Variants in SEMA6B observed in about 807,000 individuals in gnomAD.
The protein encoded by SEMA6B is semaphorin-6B.
Under a neutral mutation model 78.6 loss-of-function variants are expected in SEMA6B, and 47 were observed. The ratio of observed to expected loss-of-function variants is 0.60; its 90% confidence interval spans 0.47 to 0.76. SEMA6B has a LOEUF of 0.76. Ranked by LOEUF, SEMA6B falls within the 30% of genes least tolerant of loss-of-function variation. The pLI is 0.00. For missense variants in SEMA6B, 1,213 were observed against 1,269.9 expected, an observed-to-expected ratio of 0.96 and a Z score of 0.68; for synonymous variants, 632 against 592.2, an observed-to-expected ratio of 1.07 and a Z score of -0.98.
chr19:4,550,378 G>GTTTGT lies in SEMA6B; in HGVS notation c.1122-111_1122-107dup, dbSNP rs967077092. The GTTTGT allele has an allele frequency of 1.6e-5, 20 of 1,282,890 alleles. 1 individual carries two copies. In the African/African-American group the frequency reaches 1.6e-4, roughly 11 times the overall value. 79.5% of individuals were successfully genotyped at this position (1,282,890 alleles called of 1,614,324 possible). On this transcript the variant is annotated intron_variant, in intron 11 of 16. Coordinates refer to ENST00000586582, the MANE Select transcript of SEMA6B (RefSeq NM_032108.4). The surrounding 1 kb of genome is among the most constrained non-coding windows in gnomAD (Gnocchi z 6.6). ...TTGCCCAACGACCCTCAGGTTTTTT[G>GTTTGT]TTTGTTTTGTTTTTGAGACAGAGTC...
At chr19:4,554,598 A>G in intron 8 of SEMA6B, 122 bp from the exon 9 acceptor site, 1 of 737,196 alleles carries the variant, frequency 1.4e-6, no homozygotes, top group Admixed American at 2.5e-5. Flanking sequence ...ACAATATGAA[A>G]CAGACTCAAA....
At chr19:4,556,907 A>G in intron 5 of SEMA6B, 44 bp downstream of exon 5, 1 of 1,574,734 alleles carries the variant, frequency 6.4e-7, no homozygotes, top group Non-Finnish European at 8.7e-7. Context: ...GGGTAATGCC[A>G]GGGCTGATTC....
At chr19:4,549,283 G>T (rs1193406457) in intron 12 of SEMA6B, among the ~76,000 whole-genome samples, 1 of 145,718 alleles carries the variant, frequency 6.9e-6, no homozygotes, top group Non-Finnish European at 1.5e-5. Context: ...CCTGGTGTGT[G>T]TCTGTCTGTC....
chr19:4,544,337 G>A lies in SEMA6B; in HGVS notation c.1931C>T (p.Ala644Val), dbSNP rs775526111. 1.4e-5 allele frequency: 22 copies of A among 1,530,506 alleles called. No homozygotes were observed. Among genetic ancestry groups the A allele is most frequent in the Middle Eastern group, 3.7e-4 (2 of 5,336 alleles). The allele number at this position is 1,530,506 out of a possible 1,614,324, so 94.8% of individuals were successfully genotyped here. The change falls in exon 17 of 17, where the codon GCG (alanine) becomes GTG (valine). Residue 644 changes from alanine to valine, a missense_variant. Transcript: ENST00000586582. This position sits in a 1 kb window ranked among gnomAD's most constrained non-coding sequence, Gnocchi z 5.1. The part of the protein sequence containing the change: ...KDKEAILAHG[A>V]GEAVLSVSRL... Reference sequence around the variant, plus strand: ...GCTGACGCTCAGCACCGCCTCGCCCGCCCCGTGCGCCAGGATGGCCTCCTT... The same window carrying A: ...GCTGACGCTCAGCACCGCCTCGCCCACCCCGTGCGCCAGGATGGCCTCCTT...
intron 16 of SEMA6B, 93 bp downstream of exon 16, chr19:4,546,123 T>A (rs2145345137): frequency 1.5e-6 from 2 of 1,293,958 alleles, no homozygotes. Context: ...CCCACCCACC[T>A]CCCAGAGGAT....
In SEMA6B at chr19:4,547,964, G is replaced by A. The variant is rs1977212315; in HGVS notation, c.1601+63C>T. 3 of 1,476,588 alleles carry A rather than the reference G, an allele frequency of 2.0e-6. No individual in the cohort carries two copies. The Admixed American group carries it at 6.7e-5, about 33-fold the overall frequency. 91.5% of individuals were successfully genotyped at this position (1,476,588 alleles called of 1,614,324 possible). On this transcript the variant is annotated intron_variant, in intron 14 of 16. Transcript: ENST00000586582. ...TTGGGCTTTTGACTGGAACCCAGCT[G>A]TCCCTCCCTGTGCCCATCCTCCCTT...
At position 4,554,861 on chromosome 19, in the gene SEMA6B, T is replaced by A; in HGVS notation, c.682+115A>T. 4.8e-6 allele frequency: 6 copies of A among 1,260,124 alleles called. No individual in the cohort carries two copies. The South Asian group carries it at 8.7e-5, about 18-fold the overall frequency. 78.1% of individuals were successfully genotyped at this position (1,260,124 alleles called of 1,614,324 possible). A position where few individuals can be genotyped will look rare whatever the true frequency, so the allele number is the denominator to read the frequency against. ...AAAAGGCCAACAGATTCCAAAGATGTGGTGGAAATCTCTCCACCAAGCTCC... is the reference window on the plus strand; with the variant it reads ...AAAAGGCCAACAGATTCCAAAGATGAGGTGGAAATCTCTCCACCAAGCTCC... On this transcript the variant is annotated intron_variant, in intron 8 of 16. Transcript: ENST00000586582.
chr19:4,546,097 G>T lies in SEMA6B; in HGVS notation c.1738+119C>A, dbSNP rs1188251843. The T allele has an allele frequency of 2.8e-6, 3 of 1,081,050 alleles. No homozygotes were observed. The African/African-American group carries it at 4.8e-5, about 17-fold the overall frequency. The allele number at this position is 1,081,050 out of a possible 1,614,324, so 67.0% of individuals were successfully genotyped here. Reference sequence around the variant, plus strand: ...ACCCCATGCCTTTCTAAAGTTCTCTGATGGAGTCCAGTTTCCCCACCCACC... The same window carrying T: ...ACCCCATGCCTTTCTAAAGTTCTCTTATGGAGTCCAGTTTCCCCACCCACC... On this transcript the variant is annotated intron_variant, in intron 16 of 16. Coordinates refer to ENST00000586582, the MANE Select transcript of SEMA6B (RefSeq NM_032108.4).
At chr19:4,547,406 G>C (rs1977198227) in intron 14 of SEMA6B, among the ~76,000 whole-genome samples, 1 of 152,210 alleles carries the variant, frequency 6.6e-6, no homozygotes, top group African/African-American at 2.4e-5. Flanking sequence ...TGAGATGGGA[G>C]CCCAGGCATC....
rs965407880 is a variant in SEMA6B at position 4,543,752 on chromosome 19, G to A, written c.2516C>T (p.Pro839Leu). The stretch of plus-strand genomic sequence containing the variant: ...GTGGGTGCGGCGCAGGGTGGCGGCC[G>A]GAGGGGCGTGGGGGCCCAGTGGCCT... ...LRRPLGPHAPPAATLRRTHTF... is the reference protein window; with the variant it reads ...LRRPLGPHAPLAATLRRTHTF... The change falls in exon 17 of 17, where the codon CCG (proline) becomes CTG (leucine). Residue 839 changes from proline (P) to leucine (L), a missense_variant. Coordinates refer to ENST00000586582, the MANE Select transcript of SEMA6B (RefSeq NM_032108.4). The A allele has an allele frequency of 6.5e-6, 8 of 1,226,098 alleles. No homozygotes were observed. Among genetic ancestry groups the A allele is most frequent in the Admixed American group, 8.5e-5 (2 of 23,462 alleles). The allele number at this position is 1,226,098 out of a possible 1,614,324, so 76.0% of individuals were successfully genotyped here.
chr19:4,552,763 C>T lies in SEMA6B; in HGVS notation c.772-124G>A, dbSNP rs1451255405. 4.6e-6 allele frequency: 4 copies of T among 876,838 alleles called. No individual in the cohort carries two copies. The highest frequency in any genetic ancestry group is 3.1e-5 in the Admixed American group (1 of 31,976). The allele number at this position is 876,838 out of a possible 1,614,324, so 54.3% of individuals were successfully genotyped here. The stretch of plus-strand genomic sequence containing the variant: ...TCTGACCCTGGCTCTGGTGGGACCC[C>T]GGCCAGTCACCGTTCCTCTCTGGGC... On this transcript the variant is annotated intron_variant, in intron 9 of 16. Coordinates refer to ENST00000586582, the MANE Select transcript of SEMA6B (RefSeq NM_032108.4). The surrounding 1 kb of genome is among the most constrained non-coding windows in gnomAD (Gnocchi z 7.4).
Position 4,555,688 on chromosome 19 carries a change from C to T in SEMA6B, c.472-124G>A, listed in dbSNP as rs746755611. On this transcript the variant is annotated intron_variant, in intron 6 of 16. Coordinates refer to ENST00000586582, the MANE Select transcript of SEMA6B (RefSeq NM_032108.4). This position sits in a 1 kb window ranked among gnomAD's most constrained non-coding sequence, Gnocchi z 6.1. ...ACGGATTACTGTGTGACCTTGGCCA[C>T]TCACTTAACCTCTCAGGGCCTCAGT... is the stretch of plus-strand genomic sequence containing the variant. 1.9e-4 allele frequency: 150 copies of T among 778,670 alleles called. 1 individual carries two copies. Among genetic ancestry groups the T allele is most frequent in the Middle Eastern group, 3.5e-4 (1 of 2,822 alleles). The allele number at this position is 778,670 out of a possible 1,614,324, so 48.2% of individuals were successfully genotyped here.
Position 4,550,749 on chromosome 19 carries a change from G to A in SEMA6B, c.1121+50C>T. On this transcript the variant is annotated intron_variant, in intron 11 of 16. Coordinates refer to ENST00000586582, the MANE Select transcript of SEMA6B (RefSeq NM_032108.4). This position sits in a 1 kb window ranked among gnomAD's most constrained non-coding sequence, Gnocchi z 6.6. ...CGGAAGCCCCAGCCCTCGGCCCTGGGGATCAGGACCTCATCCGGGCATGTG... is the reference window on the plus strand; with the variant it reads ...CGGAAGCCCCAGCCCTCGGCCCTGGAGATCAGGACCTCATCCGGGCATGTG... The A allele has an allele frequency of 1.9e-6, 3 of 1,602,988 alleles. No homozygotes were observed. The highest frequency in any genetic ancestry group is 2.6e-6 in the Non-Finnish European group (3 of 1,173,158).
At position 4,552,501 on chromosome 19, in the gene SEMA6B, C is replaced by T. The variant is rs774264927; in HGVS notation, c.910G>A (p.Val304Met). The T allele has an allele frequency of 1.4e-4, 232 of 1,612,314 alleles. No homozygotes were observed. Among genetic ancestry groups the T allele is most frequent in the Non-Finnish European group, 1.7e-4 (206 of 1,179,850 alleles). ...VPGDSHFYFNVLQAVTGVVSL... is the reference protein window; with the variant it reads ...VPGDSHFYFNMLQAVTGVVSL... Reference sequence around the variant, plus strand: ...ACCACGCCCGTGACAGCCTGCAGCACGTTGAAGTAGAAATGGGAGTCTCCG... The same window carrying T: ...ACCACGCCCGTGACAGCCTGCAGCATGTTGAAGTAGAAATGGGAGTCTCCG... The change falls in exon 10 of 17, where the codon GTG (valine) becomes ATG (methionine). Residue 304 changes from valine to methionine, a missense_variant. Physicochemically the swap from Val to Met is conservative, Grantham distance 21. Coordinates refer to ENST00000586582, the MANE Select transcript of SEMA6B (RefSeq NM_032108.4). This position sits in a 1 kb window ranked among gnomAD's most constrained non-coding sequence, Gnocchi z 7.4.
chr19:4,551,749 A>G lies in SEMA6B; in HGVS notation c.989+673T>C, dbSNP rs533379415. On this transcript the variant is annotated intron_variant, in intron 10 of 16. Coordinates refer to ENST00000586582, the MANE Select transcript of SEMA6B (RefSeq NM_032108.4). ...GAGGCTGAGGCAGGAGAATTGCTTGAACCCAGGAGGCAGAGGTTGTGGTGA... is the reference window on the plus strand; with the variant it reads ...GAGGCTGAGGCAGGAGAATTGCTTGGACCCAGGAGGCAGAGGTTGTGGTGA... Among the ~76,000 whole-genome samples the G allele has an allele frequency of 4.4e-3, 663 of 151,938 alleles. 8 individuals carry two copies. The highest frequency in any genetic ancestry group is 0.015 in the African/African-American group (623 of 41,490).
At position 4,558,936 on chromosome 19, in the gene SEMA6B, G is replaced by A. The variant is rs970645698; in HGVS notation, c.-32-447C>T. 4.6e-5 allele frequency among the ~76,000 whole-genome samples: 7 copies of A among 151,952 alleles called. No homozygotes were observed. Among genetic ancestry groups the A allele is most frequent in the Admixed American group, 3.9e-4 (6 of 15,254 alleles). On this transcript the variant is annotated intron_variant, in intron 1 of 16. Coordinates refer to ENST00000586582, the MANE Select transcript of SEMA6B (RefSeq NM_032108.4). This position sits in a 1 kb window ranked among gnomAD's most constrained non-coding sequence, Gnocchi z 5.1. ...TGGCTGTGTGTGGTGGCTCACGCCTGTAATCCCAACATTTTGGGAGGCCGA... is the reference window on the plus strand; with the variant it reads ...TGGCTGTGTGTGGTGGCTCACGCCTATAATCCCAACATTTTGGGAGGCCGA...
Position 4,543,621 on chromosome 19 carries a change from T to C in SEMA6B, c.2647A>G (p.Thr883Ala). 8.1e-7 allele frequency: 1 copy of C among 1,233,078 alleles called. No homozygotes were observed. Among genetic ancestry groups the C allele is most frequent in the Non-Finnish European group, 1.0e-6 (1 of 987,950 alleles). 76.4% of individuals were successfully genotyped at this position (1,233,078 alleles called of 1,614,324 possible). A position where few individuals can be genotyped will look rare whatever the true frequency, so the allele number is the denominator to read the frequency against. The change falls in exon 17 of 17, where the codon ACT becomes GCT. Residue 883 changes from threonine to alanine, a missense_variant. By Grantham distance (58) the Thr-to-Ala change is moderately conservative. Coordinates refer to ENST00000586582, the MANE Select transcript of SEMA6B (RefSeq NM_032108.4). ...CCGGCCTAGGGCACGGGGGGCGCAG[T>C]CCTGTCCGCCCCCCCATAGGGGAGG... ...HLLPYGGADR[T>A]APPVP is the part of the protein sequence containing the mutation.
chr19:4,546,430 G>T lies in SEMA6B; in HGVS notation c.1641C>A (p.Ala547=). 6.3e-7 allele frequency: 1 copy of T among 1,579,116 alleles called. No homozygotes were observed. Among genetic ancestry groups the T allele is most frequent in the East Asian group, 2.3e-5 (1 of 42,712 alleles). The change falls in exon 15 of 17, where the codon GCC becomes GCA. Residue 547 remains alanine, a synonymous_variant. Coordinates refer to ENST00000586582, the MANE Select transcript of SEMA6B (RefSeq NM_032108.4). ...TGAGGAAGATGCAGGAGCCGTCGGG[G>T]GCCCACCCGCAGTAGGGGTCCTGAC... ...IGSQDPYCGW[A]PDGSCIFLSP...
At chr19:4,553,484 A>ATGGG (rs1977388647) in intron 9 of SEMA6B, among the ~76,000 whole-genome samples, 1 of 146,630 alleles carries the variant, frequency 6.8e-6, no homozygotes, top group East Asian at 2.1e-4. Context: ...GGATGGATGG[A>ATGGG]TGGATGGATG....
Sources: allele counts gnomAD v4.1 joint callset (sites outside exome capture counted in the v4.1 genomes callset), GRCh38; gene constraint gnomAD v4.1.1; non-coding constraint Gnocchi (gnomAD v3.1); transcripts MANE v1.5; gene names NCBI Gene and HGNC (gene_info 2026-07-23, HGNC 2026-07-21).